The following ENTREP2 variants were observed in gnomAD, a reference collection of about 807,000 sequenced individuals.
ENTREP2 encodes protein ENTREP2.
At chr15:29,261,395 T>C in the ENTREP2 span, among the ~76,000 whole-genome samples, 7 of 151,948 alleles carry the variant, frequency 4.6e-5, no homozygotes, top group South Asian at 2.1e-4. Context: ...TTTTTAAAAA[T>C]TAGCCAGGCA....
At chr15:29,493,820 T>C in the ENTREP2 span, among the ~76,000 whole-genome samples, 24 of 151,598 alleles carry the variant, frequency 1.6e-4, no homozygotes, top group African/African-American at 5.8e-4. Flanking sequence ...CTACTAAAAA[T>C]ACAAAAAATT....
chr15:29,495,565 G>A, the ENTREP2 span, among the ~76,000 whole-genome samples: 3 of 152,000 alleles, frequency 2.0e-5, no homozygotes, highest in African/African-American at 7.2e-5. Flanking sequence ...TGATTTTTGT[G>A]TACAGTGTCA....
chr15:29,644,827 AG>A, the ENTREP2 span, among the ~76,000 whole-genome samples: 105 of 150,930 alleles, frequency 7.0e-4, no homozygotes, highest in Middle Eastern at 3.5e-3. Context: ...AAAAAAAAAA[AG>A]AAAAAAAAAG....
the ENTREP2 span, among the ~76,000 whole-genome samples, chr15:29,303,587 C>A: frequency 1.3e-5 from 2 of 151,728 alleles, no homozygotes; most frequent in Non-Finnish European, 2.9e-5. Context: ...TATTTTGTCA[C>A]CCAGGTGATT....
chr15:29,538,774 A>T, the ENTREP2 span, among the ~76,000 whole-genome samples: 2 of 151,278 alleles, frequency 1.3e-5, no homozygotes, highest in East Asian at 3.9e-4. Context: ...ATGCCACTGC[A>T]CTCCAGCCTG....
At chr15:29,453,238 G>A in the ENTREP2 span, among the ~76,000 whole-genome samples, 4 of 152,202 alleles carry the variant, frequency 2.6e-5, no homozygotes, top group Non-Finnish European at 4.4e-5. Context: ...CTCAGAGGCC[G>A]GTAGGACTGT....
the ENTREP2 span, among the ~76,000 whole-genome samples, chr15:29,664,224 C>T: frequency 3.3e-5 from 5 of 152,128 alleles, no homozygotes; most frequent in African/African-American, 7.2e-5. Flanking sequence ...TGAGTAGGGA[C>T]GGCTGTGTTG....
chr15:29,424,157 A>T, the ENTREP2 span, among the ~76,000 whole-genome samples: 2 of 152,216 alleles, frequency 1.3e-5, no homozygotes, highest in Non-Finnish European at 2.9e-5. Flanking sequence ...TATAGCTCAT[A>T]AAGGTAATGC....
At chr15:29,412,260 T>C in the ENTREP2 span, among the ~76,000 whole-genome samples, 1 of 152,194 alleles carries the variant, frequency 6.6e-6, no homozygotes, top group Non-Finnish European at 1.5e-5. Context: ...TTCAATAAAG[T>C]TTTACACTTT....
chr15:29,525,264 A>G, the ENTREP2 span, among the ~76,000 whole-genome samples: 1 of 152,228 alleles, frequency 6.6e-6, no homozygotes. Context: ...CATACCCAAG[A>G]ACTGAAAACA....
At chr15:29,131,952 G>T in the ENTREP2 span, among the ~76,000 whole-genome samples, 1 of 26,266 alleles carries the variant, frequency 3.8e-5, no homozygotes, top group Non-Finnish European at 9.0e-5. Context: ...GACCTAAGCC[G>T]GAAGGGAAGT....
At chr15:29,173,407 C>T in the ENTREP2 span, among the ~76,000 whole-genome samples, 1 of 152,204 alleles carries the variant, frequency 6.6e-6, no homozygotes, top group South Asian at 2.1e-4. Context: ...CAAAAGATCC[C>T]CTGGACGGAA....
chr15:29,335,404 C>T, the ENTREP2 span, among the ~76,000 whole-genome samples: 1 of 152,214 alleles, frequency 6.6e-6, no homozygotes, highest in African/African-American at 2.4e-5. Context: ...TCCAGTACAA[C>T]ACGTACCCCA....
At chr15:29,506,074 G>A in the ENTREP2 span, among the ~76,000 whole-genome samples, 1 of 152,148 alleles carries the variant, frequency 6.6e-6, no homozygotes. Context: ...TAAATGACCT[G>A]ATGGAGCTGA....
chr15:29,627,067 C>A, the ENTREP2 span, among the ~76,000 whole-genome samples: 6 of 151,978 alleles, frequency 3.9e-5, no homozygotes, highest in Non-Finnish European at 8.8e-5. Context: ...ACCTTAGGAT[C>A]TTTCTTCTTT....
the ENTREP2 span, among the ~76,000 whole-genome samples, chr15:29,663,944 CT>C: frequency 1.0e-3 from 155 of 151,746 alleles, no homozygotes; most frequent in Non-Finnish European, 1.8e-3. Context: ...AGGAGAATCA[CT>C]TGAACCCAGG....
chr15:29,432,371 C>T, the ENTREP2 span, among the ~76,000 whole-genome samples: 3 of 152,174 alleles, frequency 2.0e-5, no homozygotes, highest in African/African-American at 7.2e-5. Context: ...TCTGTACTGC[C>T]TAGGAGGCTC....
the ENTREP2 span, among the ~76,000 whole-genome samples, chr15:29,455,620 T>C: frequency 6.6e-6 from 1 of 152,336 alleles, no homozygotes; most frequent in South Asian, 2.1e-4. Flanking sequence ...TGCAACACCT[T>C]GTTTTCACAT....
the ENTREP2 span, among the ~76,000 whole-genome samples, chr15:29,468,354 T>C: frequency 0.48 from 72,772 of 151,638 alleles, 17,916 homozygotes; most frequent in African/African-American, 0.61. Context: ...CTCATGCCTG[T>C]AATCCTAGCA....
Sources: gnomAD v4.1 joint callset for allele counts (sites outside exome capture counted in the v4.1 genomes callset) on GRCh38, gnomAD v4.1.1 for gene constraint, MANE v1.5 for transcripts, NCBI Gene and HGNC (gene_info 2026-07-23, HGNC 2026-07-21) for gene names.